The following ABCD3 variants were observed in gnomAD, a reference collection of about 807,000 sequenced individuals.
ABCD3 encodes ATP binding cassette subfamily D member 3, also known as ATP-binding cassette sub-family D member 3.
ABCD3 carries 41 observed loss-of-function variants against 105.5 expected under a neutral mutation model. The observed-to-expected ratio is 0.39, with a 90% CI of 0.30 to 0.50. ABCD3 has a LOEUF of 0.50. Among genes scored for constraint, ABCD3 ranks in the 20% least tolerant of loss-of-function variants. The pLI is 0.84. For synonymous variants in ABCD3, 258 were observed against 269.0 expected, an observed-to-expected ratio of 0.96 and a Z score of 0.40; for missense variants, 622 against 806.3, an observed-to-expected ratio of 0.77 and a Z score of 2.77.
intron 15 of ABCD3, among the ~76,000 whole-genome samples, chr1:94,490,201 T>C (rs1466173813): frequency 6.6e-6 from 1 of 152,068 alleles, no homozygotes; most frequent in Non-Finnish European, 1.5e-5. Flanking sequence ...TTTGGCTAAT[T>C]AATTTACCTA....
intron 21 of ABCD3, among the ~76,000 whole-genome samples, chr1:94,512,681 A>G (rs1650740676): frequency 6.6e-6 from 1 of 152,064 alleles, no homozygotes; most frequent in Non-Finnish European, 1.5e-5. Flanking sequence ...TTAGTAGCTA[A>G]GTCTGAGGCT....
upstream of ABCD3, among the ~76,000 whole-genome samples, chr1:94,415,310 G>T (rs1658979742): frequency 6.6e-6 from 1 of 152,138 alleles, no homozygotes; most frequent in Non-Finnish European, 1.5e-5. Context: ...TCTTCCAGAG[G>T]CTTTCTAGAT....
intron 21 of ABCD3, chr1:94,514,439 A>G (rs1650835599): frequency 6.6e-6 from 1 of 151,696 alleles, no homozygotes; most frequent in Non-Finnish European, 1.5e-5. Flanking sequence ...TTATCTATTA[A>G]TGTTTTTTTT....
At chr1:94,515,651 C>A (rs896715988) in intron 22 of ABCD3, among the ~76,000 whole-genome samples, 3 of 151,856 alleles carry the variant, frequency 2.0e-5, no homozygotes, top group Non-Finnish European at 2.9e-5. Context: ...ATTAGATAGT[C>A]ACTATAATTT....
intron 2 of ABCD3, among the ~76,000 whole-genome samples, chr1:94,459,620 G>GAT (rs1647772122): frequency 2.6e-5 from 4 of 152,106 alleles, no homozygotes; most frequent in Non-Finnish European, 4.4e-5. Flanking sequence ...GATTTATTGA[G>GAT]ATATATATAC....
chr1:94,438,188 G>A (rs531147167), intron 1 of ABCD3, among the ~76,000 whole-genome samples: 1 of 152,086 alleles, frequency 6.6e-6, no homozygotes, highest in Non-Finnish European at 1.5e-5. Flanking sequence ...TTGGGAGGCT[G>A]AGACAGGGGA....
chr1:94,387,218 A>T, the ABCD3 span, among the ~76,000 whole-genome samples: 1 of 152,278 alleles, frequency 6.6e-6, no homozygotes, highest in South Asian at 2.1e-4. Context: ...TGCCACTCTG[A>T]CACCACTTCA....
intron 1 of ABCD3, among the ~76,000 whole-genome samples, chr1:94,446,037 A>G (rs1188801539): frequency 2.0e-5 from 3 of 152,230 alleles, no homozygotes; most frequent in Non-Finnish European, 4.4e-5. Context: ...GCATGGTCAT[A>G]CTAAAAAAGA....
intron 20 of ABCD3, among the ~76,000 whole-genome samples, chr1:94,504,035 C>A (rs1475383808): frequency 6.6e-6 from 1 of 151,284 alleles, no homozygotes; most frequent in Non-Finnish European, 1.5e-5. Flanking sequence ...GCCTCAGCCT[C>A]CTGAGTAGCT....
At chr1:94,392,540 A>T in the ABCD3 span, among the ~76,000 whole-genome samples, 1 of 152,154 alleles carries the variant, frequency 6.6e-6, no homozygotes, top group Non-Finnish European at 1.5e-5. Flanking sequence ...CCTTAAAATG[A>T]TTGCTTGTTA....
At chr1:94,453,248 C>T (rs936050433) in intron 1 of ABCD3, among the ~76,000 whole-genome samples, 17 of 151,880 alleles carry the variant, frequency 1.1e-4, no homozygotes, top group Non-Finnish European at 2.2e-4. Context: ...GTGGGCAGCT[C>T]TCAGACAACT....
intron 20 of ABCD3, 24 bp from the exon 21 acceptor site, chr1:94,506,514 C>CA: frequency 1.3e-6 from 2 of 1,547,604 alleles, no homozygotes; most frequent in Non-Finnish European, 1.8e-6. Context: ...GTGTTTTACA[C>CA]AAAAAATTTT....
chr1:94,434,391 T>G (rs1247660543), intron 1 of ABCD3, among the ~76,000 whole-genome samples: 2 of 152,192 alleles, frequency 1.3e-5, no homozygotes, highest in Non-Finnish European at 2.9e-5. Context: ...GATGAAAGTA[T>G]AGTATAGTAA....
At chr1:94,451,893 T>A (rs1647277914) in intron 1 of ABCD3, among the ~76,000 whole-genome samples, 2 of 152,218 alleles carry the variant, frequency 1.3e-5, no homozygotes, top group Non-Finnish European at 2.9e-5. Context: ...CTTAAGTTTG[T>A]GGTCTTCTCT....
intron 19 of ABCD3, 28 bp from the exon 20 acceptor site, chr1:94,499,467 A>T: frequency 6.2e-7 from 1 of 1,608,150 alleles, no homozygotes. Context: ...ATTAAGTTTA[A>T]TTTCATCTTT....
intron 20 of ABCD3, among the ~76,000 whole-genome samples, chr1:94,500,796 A>G (rs1213772800): frequency 1.3e-5 from 2 of 152,148 alleles, no homozygotes; most frequent in Admixed American, 1.3e-4. Context: ...GGCTAGTGCT[A>G]TAACGTGAGA....
chr1:94,475,526 G>C, intron 6 of ABCD3, 88 bp from the exon 7 acceptor site: 1 of 1,384,944 alleles, frequency 7.2e-7, no homozygotes, highest in African/African-American at 1.4e-5. Context: ...CTATGTATTT[G>C]AGCTAGGTGG....
intron 1 of ABCD3, among the ~76,000 whole-genome samples, chr1:94,457,855 C>G (rs941250048): frequency 6.6e-6 from 1 of 152,080 alleles, no homozygotes; most frequent in African/African-American, 2.4e-5. Context: ...CATTTGTACC[C>G]CAGACACCAT....
At chr1:94,467,106 C>G (rs1648177577) in intron 3 of ABCD3, among the ~76,000 whole-genome samples, 1 of 152,190 alleles carries the variant, frequency 6.6e-6, no homozygotes, top group Non-Finnish European at 1.5e-5. Context: ...CTTTAAACAT[C>G]ACTTTTTAAC....
Sources: gnomAD v4.1 joint callset for allele counts (sites outside exome capture counted in the v4.1 genomes callset) on GRCh38, gnomAD v4.1.1 for gene constraint, MANE v1.5 for transcripts, NCBI Gene and HGNC (gene_info 2026-07-23, HGNC 2026-07-21) for gene names.